Variants in C10orf90 observed in about 807,000 individuals in gnomAD.
C10orf90 encodes the protein chromosome 10 open reading frame 90, also known as (E2-independent) E3 ubiquitin-conjugating enzyme FATS.
A neutral mutation model predicts 62.5 loss-of-function variants in C10orf90; 56 were observed. The ratio of observed to expected loss-of-function variants is 0.90; its 90% CI spans 0.72 to 1.12. C10orf90 has a LOEUF of 1.12. Ranked by LOEUF, C10orf90 falls within the 50% of genes most tolerant of loss-of-function variation. The pLI, the probability that C10orf90 is intolerant of heterozygous loss-of-function variation, is 0.00. For synonymous variants in C10orf90, 386 were observed against 340.4 expected (o/e 1.13, Z -1.47); for missense variants, 970 against 880.4 (o/e 1.10, Z -1.29).
At chr10:126,489,978 A>AAT (rs1266167556) in intron 4 of C10orf90, among the ~76,000 whole-genome samples, 6 of 121,986 alleles carry the variant, frequency 4.9e-5, no homozygotes, top group South Asian at 2.3e-4. Context: ...ATATACATAT[A>AAT]ATATATATAT....
chr10:126,499,379 G>T (rs1260909581), intron 4 of C10orf90, among the ~76,000 whole-genome samples: 1 of 152,036 alleles, frequency 6.6e-6, no homozygotes, highest in African/African-American at 2.4e-5. Flanking sequence ...AAACAAAAGG[G>T]AAAAAGAAAA....
At chr10:126,589,167 G>A (rs1256765317) in intron 2 of C10orf90, among the ~76,000 whole-genome samples, 1 of 152,100 alleles carries the variant, frequency 6.6e-6, no homozygotes, top group African/African-American at 2.4e-5. Context: ...AAAAAATAAT[G>A]AAAAGGAATG....
chr10:126,655,799 T>C (rs943749220), intron 1 of C10orf90, among the ~76,000 whole-genome samples: 2 of 151,678 alleles, frequency 1.3e-5, no homozygotes, highest in Non-Finnish European at 2.9e-5. Flanking sequence ...CAGTTGTTGT[T>C]TTTCTTCTTT....
intron 2 of C10orf90, among the ~76,000 whole-genome samples, chr10:126,625,409 C>G (rs1212797263): frequency 6.6e-6 from 1 of 152,208 alleles, no homozygotes; most frequent in African/African-American, 2.4e-5. Flanking sequence ...TCCAAGCTGA[C>G]TTGACCACAG....
At chr10:126,603,788 C>T (rs976798402) in intron 2 of C10orf90, among the ~76,000 whole-genome samples, 3 of 152,036 alleles carry the variant, frequency 2.0e-5, no homozygotes, top group African/African-American at 2.4e-5. Flanking sequence ...CCTCCCAGGC[C>T]GAAAAGGCCT....
At chr10:126,487,545 T>C (rs1441901254) in intron 4 of C10orf90, among the ~76,000 whole-genome samples, 1 of 152,208 alleles carries the variant, frequency 6.6e-6, no homozygotes, top group East Asian at 1.9e-4. Flanking sequence ...TGTTAGTCTA[T>C]GTTACAAGGT....
chr10:126,597,130 G>T (rs1845103012), intron 2 of C10orf90, among the ~76,000 whole-genome samples: 1 of 152,154 alleles, frequency 6.6e-6, no homozygotes, highest in Admixed American at 6.5e-5. Context: ...GTTCACTTTG[G>T]AATACTGTTT....
At chr10:126,429,270 G>A (rs1260936105) in intron 8 of C10orf90, among the ~76,000 whole-genome samples, 1 of 152,124 alleles carries the variant, frequency 6.6e-6, no homozygotes, top group Non-Finnish European at 1.5e-5. Context: ...TGTGTTGGCA[G>A]CATGGCCGCC....
intron 2 of C10orf90, among the ~76,000 whole-genome samples, chr10:126,582,146 C>A (rs925555826): frequency 1.3e-5 from 2 of 152,182 alleles, no homozygotes; most frequent in African/African-American, 4.8e-5. Flanking sequence ...GCTGCCATGG[C>A]CCCTCCAATG....
intron 2 of C10orf90, among the ~76,000 whole-genome samples, chr10:126,547,056 C>T (rs911977817): frequency 6.6e-6 from 1 of 152,004 alleles, no homozygotes; most frequent in Non-Finnish European, 1.5e-5. Context: ...TTGCAATGAG[C>T]CAAGATCGTG....
chr10:126,591,340 T>A (rs866467748), intron 2 of C10orf90, among the ~76,000 whole-genome samples: 1 of 152,188 alleles, frequency 6.6e-6, no homozygotes, highest in African/African-American at 2.4e-5. Flanking sequence ...TCAAAAAGCT[T>A]ATCGACCATA....
rs1271177255 is a variant in C10orf90, at chr10:126,490,040, ATATT to A, written c.1534+13913_1534+13916del. 3.0e-5 allele frequency among the ~76,000 whole-genome samples: 3 copies of A among 99,212 alleles called. No homozygotes were observed. The East Asian group carries it at 7.7e-4, about 25-fold the overall frequency. 65.1% of individuals were successfully genotyped at this position (99,212 alleles called of 152,430 possible). A position where few individuals can be genotyped will look rare whatever the true frequency, so the allele number is the denominator to read the frequency against. On this transcript the variant is annotated intron_variant, in intron 4 of 9. Transcript: ENST00000488181. ...ATATATAATATATAATATATAATATATATTATATATTATGTTATATAATATATAA... is the reference window on the plus strand; with the variant it reads ...ATATATAATATATAATATATAATATAATATATTATGTTATATAATATATAA...
At chr10:126,647,494 G>A (rs2133853051) in intron 1 of C10orf90, among the ~76,000 whole-genome samples, 1 of 152,322 alleles carries the variant, frequency 6.6e-6, no homozygotes, top group African/African-American at 2.4e-5. Flanking sequence ...AACCAGCTCT[G>A]GGGTTGCAGA....
In C10orf90 at chr10:126,561,800, G is replaced by A. The variant is rs1430010302; in HGVS notation, c.314-47861C>T. Among the ~76,000 whole-genome samples, 4 of 152,202 alleles carry A rather than the reference G, an allele frequency of 2.6e-5. No homozygotes were observed. The East Asian group carries it at 5.8e-4, about 22-fold the overall frequency. ...ACAGAGGGAGCAGGCCCCTTTCCCC[G>A]GGCCCCGGGTGGCCTGCTGAGCGCC... is the stretch of plus-strand genomic sequence containing the variant. On this transcript the variant is annotated intron_variant, in intron 2 of 9. Coordinates refer to ENST00000488181, the MANE Select transcript of C10orf90 (RefSeq NM_001350921.2).
intron 2 of C10orf90, among the ~76,000 whole-genome samples, chr10:126,617,236 T>G (rs1458866025): frequency 6.6e-6 from 1 of 152,154 alleles, no homozygotes; most frequent in African/African-American, 2.4e-5. Flanking sequence ...AGAAAACATT[T>G]TAGGAGTTTG....
chr10:126,438,740 G>A (rs1164198756), intron 7 of C10orf90, among the ~76,000 whole-genome samples: 2 of 105,622 alleles, frequency 1.9e-5, no homozygotes, highest in Non-Finnish European at 3.9e-5. Context: ...GTATACATGT[G>A]TGTATGTATG....
chr10:126,609,698 G>C (rs191913010), intron 2 of C10orf90, among the ~76,000 whole-genome samples: 1 of 152,342 alleles, frequency 6.6e-6, no homozygotes, highest in Non-Finnish European at 1.5e-5. Flanking sequence ...CAGTGGCTTA[G>C]AGCAGGGAGA....
At chr10:126,465,074 G>A (rs1435298103) in intron 4 of C10orf90, 88 bp from the exon 5 acceptor site, 13 of 1,412,906 alleles carry the variant, frequency 9.2e-6, no homozygotes, top group Non-Finnish European at 1.3e-5. Context: ...CTTTTCTCGG[G>A]ACAGACTTGG....
In C10orf90 at chr10:126,670,555, T is replaced by G; in HGVS notation, c.-75A>C. ...TTCTTTGTTTAACCCAGGTATTGAG[T>G]GCAACAGGAGGGACTTGGGCAGTGC... On this transcript the variant is annotated 5_prime_UTR_variant, in exon 1 of 10. Coordinates refer to ENST00000488181, the MANE Select transcript of C10orf90 (RefSeq NM_001350921.2). 1 of 433,460 alleles carries G rather than the reference T, an allele frequency of 2.3e-6. No homozygotes were observed. Among genetic ancestry groups the G allele is most frequent in the Non-Finnish European group, 4.7e-6 (1 of 214,802 alleles). The allele number at this position is 433,460 out of a possible 1,614,324, so 26.9% of individuals were successfully genotyped here.
Sources: allele counts gnomAD v4.1 joint callset (sites outside exome capture counted in the v4.1 genomes callset), GRCh38; gene constraint gnomAD v4.1.1; transcripts MANE v1.5; gene names NCBI Gene and HGNC (gene_info 2026-07-23, HGNC 2026-07-21).